Variants in AMN1 observed in about 807,000 individuals in gnomAD.
The protein encoded by AMN1 is antagonist of mitotic exit network 1 homolog.
In AMN1, 20 loss-of-function variants were observed where a neutral mutation model predicts 33.0. That is an observed-to-expected ratio of 0.61 (90% CI 0.43 to 0.88). AMN1 has a LOEUF of 0.88. AMN1 is among the 40% of genes least tolerant of loss of function. The pLI, the probability that AMN1 is intolerant of heterozygous loss-of-function variation, is 0.00. For missense variants in AMN1, 246 were observed against 307.4 expected (o/e 0.80, Z 1.49); for synonymous variants, 114 against 111.9 (o/e 1.02, Z -0.12).
chr12:31,702,434 CATTTACCTTCTATATCATT>C (rs1223477120), intron 2 of AMN1, among the ~76,000 whole-genome samples: 4 of 152,160 alleles, frequency 2.6e-5, no homozygotes, highest in East Asian at 1.9e-4. Flanking sequence ...TTATCTAGAA[CATTTACCTTCTATATCATT>C]ATTTTTGGGA....
At chr12:31,726,674 T>C (rs1222168609) in intron 1 of AMN1, among the ~76,000 whole-genome samples, 1 of 152,252 alleles carries the variant, frequency 6.6e-6, no homozygotes, top group South Asian at 2.1e-4. Context: ...ACTTAATTAC[T>C]AGTCTGGCTC....
chr12:31,697,349 T>C lies in AMN1; in HGVS notation c.591+12A>G, dbSNP rs74744848. The C allele has an allele frequency of 0.045, 71,673 of 1,607,086 alleles. 1,830 individuals carry two copies. Among genetic ancestry groups the C allele is most frequent in the East Asian group, 0.081 (3,636 of 44,752 alleles). The stretch of plus-strand genomic sequence containing the variant: ...TTAATCACCACCATCTTTATAATTG[T>C]TTTAAAATTACCTCTAATTTCTTCG... On this transcript the variant is annotated intron_variant, in intron 5 of 6. Transcript: ENST00000281471.
rs528106552 is a variant in AMN1 at position 31,687,563 on chromosome 12, G to T, written c.703+1444C>A. 6.6e-6 allele frequency among the ~76,000 whole-genome samples: 1 copy of T among 151,980 alleles called. No individual in the cohort carries two copies. Among genetic ancestry groups the T allele is most frequent in the South Asian group, 2.1e-4 (1 of 4,808 alleles). On this transcript the variant is annotated intron_variant, in intron 6 of 6. Transcript: ENST00000281471. The surrounding 1 kb of genome is among the most constrained non-coding windows in gnomAD (Gnocchi z 4.1). ...TTGGATGTGGTGGCATGCGCCTGTA[G>T]TCCCAGCTACTTGGGAGGCTGAGGC... is the stretch of plus-strand genomic sequence containing the variant.
intron 1 of AMN1, among the ~76,000 whole-genome samples, chr12:31,726,979 CTATT>C (rs1279653170): frequency 5.8e-5 from 3 of 51,746 alleles, no homozygotes; most frequent in East Asian, 2.6e-4. Context: ...ATTTATTTAT[CTATT>C]TATTTATTTA....
At chr12:31,723,417 TCTC>T (rs369138927) in intron 1 of AMN1, among the ~76,000 whole-genome samples, 1 of 151,596 alleles carries the variant, frequency 6.6e-6, no homozygotes, top group African/African-American at 2.4e-5. Context: ...TTCACACCAT[TCTC>T]CTGCCTCAGC....
rs1951304045 is a variant in AMN1, at chr12:31,672,601, A to T, written c.704-224T>A. 1.6e-5 allele frequency: 6 copies of T among 383,298 alleles called. No homozygotes were observed. The East Asian group carries it at 2.6e-4, about 17-fold the overall frequency. The allele number at this position is 383,298 out of a possible 1,614,324, so 23.7% of individuals were successfully genotyped here. On this transcript the variant is annotated intron_variant, in intron 6 of 6. Transcript: ENST00000281471. ...TATCATGGTATTACTTGTTTAAAAA[A>T]AAAAAACAGGCATTTGTTGTTTTCT... is the stretch of plus-strand genomic sequence containing the variant.
intron 6 of AMN1, among the ~76,000 whole-genome samples, chr12:31,688,064 C>A (rs1938343927): frequency 6.6e-6 from 1 of 152,180 alleles, no homozygotes; most frequent in African/African-American, 2.4e-5. Flanking sequence ...AAGTGATTCT[C>A]CGTCCTCAAT....
intron 1 of AMN1, among the ~76,000 whole-genome samples, chr12:31,723,153 G>A (rs751263327): frequency 2.6e-5 from 4 of 151,882 alleles, no homozygotes; most frequent in Admixed American, 6.6e-5. Flanking sequence ...GTGAGACCTC[G>A]TCTCAAAAAA....
Position 31,683,169 on chromosome 12 carries a change from G to A in AMN1, c.703+5838C>T, listed in dbSNP as rs1263576211. ...GTAGAGAGGGGGTTTCACCATATTGGCCAGGCTGGTCTCAAACTCCTAATC... is the reference window on the plus strand; with the variant it reads ...GTAGAGAGGGGGTTTCACCATATTGACCAGGCTGGTCTCAAACTCCTAATC... On this transcript the variant is annotated intron_variant, in intron 6 of 6. Coordinates refer to ENST00000281471, the MANE Select transcript of AMN1 (RefSeq NM_001113402.2). The surrounding 1 kb of genome is among the most constrained non-coding windows in gnomAD (Gnocchi z 4.1). 6.6e-6 allele frequency among the ~76,000 whole-genome samples: 1 copy of A among 152,076 alleles called. No homozygotes were observed. The highest frequency in any genetic ancestry group is 2.4e-5 in the African/African-American group (1 of 41,406).
In AMN1 at chr12:31,671,809, G is replaced by T. The variant is rs529881821; in HGVS notation, c.*495C>A. On this transcript the variant is annotated 3_prime_UTR_variant, in exon 7 of 7. Transcript: ENST00000281471. ...AATTCTTTGAAGAATTAACAGGCTT[G>T]ATGTTCAGGTCTGCTTTTGGCAAAT... is the stretch of plus-strand genomic sequence containing the variant. 1 of 152,780 alleles carries T rather than the reference G, an allele frequency of 6.5e-6. No homozygotes were observed. Among genetic ancestry groups the T allele is most frequent in the Admixed American group, 6.5e-5 (1 of 15,344 alleles). The allele number at this position is 152,780 out of a possible 1,614,324, so 9.5% of individuals were successfully genotyped here.
intron 1 of AMN1, among the ~76,000 whole-genome samples, chr12:31,722,522 G>A (rs1430213468): frequency 1.3e-5 from 2 of 151,968 alleles, no homozygotes; most frequent in African/African-American, 4.8e-5. Flanking sequence ...AAGGTAGTTT[G>A]GTCACAAAAA....
At chr12:31,678,445 G>A (rs1009581798) in intron 6 of AMN1, among the ~76,000 whole-genome samples, 3 of 151,500 alleles carry the variant, frequency 2.0e-5, no homozygotes, top group Admixed American at 1.3e-4. Flanking sequence ...CGCCTAGGCT[G>A]GAGTGCAATG....
At chr12:31,690,238 T>G (rs1015922217) in intron 5 of AMN1, among the ~76,000 whole-genome samples, 3 of 152,216 alleles carry the variant, frequency 2.0e-5, no homozygotes, top group Non-Finnish European at 2.9e-5. Flanking sequence ...AAGTATCTTT[T>G]TCGTATAATG....
chr12:31,723,789 A>C (rs1939963803), intron 1 of AMN1, among the ~76,000 whole-genome samples: 1 of 151,994 alleles, frequency 6.6e-6, no homozygotes, highest in African/African-American at 2.4e-5. Flanking sequence ...TGAAAATATT[A>C]CTCTCTGGCC....
chr12:31,701,967 C>T lies in AMN1; in HGVS notation c.212G>A (p.Cys71Tyr). ...PEVQTLDLRSCDISDAALLHL... is the reference protein window; with the variant it reads ...PEVQTLDLRSYDISDAALLHL... ...CAGGAGAGCAGCATCTGATATATCGCAGCTCCGTAGATCTAGAGTTTGGAC... is the reference window on the plus strand; with the variant it reads ...CAGGAGAGCAGCATCTGATATATCGTAGCTCCGTAGATCTAGAGTTTGGAC... Residue 71 changes from cysteine to tyrosine, a missense_variant, in exon 3 of 7, where the codon TGC becomes TAC. Coordinates refer to ENST00000281471, the MANE Select transcript of AMN1 (RefSeq NM_001113402.2). 6.2e-7 allele frequency: 1 copy of T among 1,608,764 alleles called. No homozygotes were observed. Among genetic ancestry groups the T allele is most frequent in the South Asian group, 1.1e-5 (1 of 89,436 alleles).
chr12:31,720,540 C>CAA lies in AMN1; in HGVS notation c.38+8429_38+8430dup, dbSNP rs764141018. Among the ~76,000 whole-genome samples the CAA allele has an allele frequency of 1.5e-3, 182 of 124,750 alleles. 1 individual carries two copies. The highest frequency in any genetic ancestry group is 4.7e-3 in the African/African-American group (154 of 33,032). The allele number at this position is 124,750 out of a possible 152,430, so 81.8% of individuals were successfully genotyped here. A position where few individuals can be genotyped will look rare whatever the true frequency, so the allele number is the denominator to read the frequency against. ...GGACAACATGAGTGAAACTCTGTCT[C>CAA]AAAAAAAAAAAAAAAAGTCAATCCC... On this transcript the variant is annotated intron_variant, in intron 1 of 6. Transcript: ENST00000281471.
chr12:31,694,373 C>T (rs781333371), intron 5 of AMN1, among the ~76,000 whole-genome samples: 5 of 145,814 alleles, frequency 3.4e-5, no homozygotes, highest in South Asian at 2.1e-4. Flanking sequence ...ACCTGGGAGA[C>T]GGAGGTTGCA....
At chr12:31,724,354 C>T (rs1050445734) in intron 1 of AMN1, among the ~76,000 whole-genome samples, 1 of 152,078 alleles carries the variant, frequency 6.6e-6, no homozygotes, top group Non-Finnish European at 1.5e-5. Context: ...AGTAGCCCTG[C>T]GACAATAGCT....
At chr12:31,702,129 A>G in intron 2 of AMN1, 122 bp from the exon 3 acceptor site, 2 of 850,812 alleles carry the variant, frequency 2.4e-6, no homozygotes, top group Non-Finnish European at 3.5e-6. Context: ...AGCAAAGAAT[A>G]CAGAAGCATA....
Sources: allele counts gnomAD v4.1 joint callset (sites outside exome capture counted in the v4.1 genomes callset), GRCh38; gene constraint gnomAD v4.1.1; non-coding constraint Gnocchi (gnomAD v3.1); transcripts MANE v1.5; gene names NCBI Gene and HGNC (gene_info 2026-07-23, HGNC 2026-07-21).